SRSF11: variants seen among roughly 807,000 people sequenced by gnomAD.
The protein encoded by SRSF11 is serine and arginine rich splicing factor 11, also known as serine/arginine-rich splicing factor 11.
SRSF11 carries 9 observed loss-of-function variants against 56.0 expected under a neutral mutation model. The observed-to-expected ratio is 0.16, with a 90% CI of 0.10 to 0.28. The LOEUF (loss-of-function observed/expected upper bound fraction) is 0.28, where lower values mean the gene tolerates loss of function less well. Among genes scored for constraint, SRSF11 ranks in the 10% least tolerant of loss-of-function variants. SRSF11 has a pLI of 1.00. For missense variants in SRSF11, 421 were observed against 600.7 expected (o/e 0.70, Z 3.13); for synonymous variants, 222 against 215.3 (o/e 1.03, Z -0.27).
intron 1 of SRSF11, 136 bp from the exon 2 acceptor site, chr1:70,228,286 C>A: frequency 1.7e-6 from 1 of 602,170 alleles, no homozygotes; most frequent in Non-Finnish European, 2.9e-6. Flanking sequence ...AGAATGTTTT[C>A]TTTTGAATTT....
At chr1:70,239,835 G>C (rs1674930727) in intron 7 of SRSF11, among the ~76,000 whole-genome samples, 1 of 152,140 alleles carries the variant, frequency 6.6e-6, no homozygotes, top group Non-Finnish European at 1.5e-5. Context: ...GTTATCTAGT[G>C]TCAAAAAGTG....
chr1:70,239,600 C>G (rs1674870814), intron 7 of SRSF11, 80 bp downstream of exon 7: 1 of 1,042,758 alleles, frequency 9.6e-7, no homozygotes, highest in Admixed American at 2.5e-5. Context: ...TGCTGTTAAT[C>G]TGTTATCCTC....
chr1:70,227,065 T>G (rs1558168729), intron 1 of SRSF11, among the ~76,000 whole-genome samples: 1 of 152,170 alleles, frequency 6.6e-6, no homozygotes, highest in Non-Finnish European at 1.5e-5. Context: ...TAGGGAAGCT[T>G]GTATCAGAAG....
rs1230722014 is a variant in SRSF11 at position 70,251,550 on chromosome 1, T to G, written c.*745T>G. On this transcript the variant is annotated 3_prime_UTR_variant, in exon 12 of 12. Transcript: ENST00000370949. ...TTTGGGAATTTTTTTCCTGAAGTAA[T>G]AATTTATTCCACATCTACATCAGTG... 6.6e-6 allele frequency: 1 copy of G among 152,390 alleles called. No individual in the cohort carries two copies. The highest frequency in any genetic ancestry group is 6.5e-5 in the Admixed American group (1 of 15,282). The allele number at this position is 152,390 out of a possible 1,614,324, so 9.4% of individuals were successfully genotyped here. A position where few individuals can be genotyped will look rare whatever the true frequency, so the allele number is the denominator to read the frequency against.
rs1031848436 is a variant in SRSF11, at chr1:70,244,938, CTG to C, written c.932+125_932+126del. 1.9e-5 allele frequency: 17 copies of C among 893,650 alleles called. No individual in the cohort carries two copies. The East Asian group carries it at 3.3e-4, about 17-fold the overall frequency. 55.4% of individuals were successfully genotyped at this position (893,650 alleles called of 1,614,324 possible). A position where few individuals can be genotyped will look rare whatever the true frequency, so the allele number is the denominator to read the frequency against. On this transcript the variant is annotated intron_variant, in intron 8 of 11. Transcript: ENST00000370949. Reference sequence around the variant, plus strand: ...AAATAGGGCTAGACAGGGGAAGAAACTGTCAATATTTGAGTTTGAGGAGGCTG... The same window carrying C: ...AAATAGGGCTAGACAGGGGAAGAAACTCAATATTTGAGTTTGAGGAGGCTG...
At chr1:70,221,870 TA>T in intron 1 of SRSF11, 31 bp downstream of exon 1, 1 of 1,612,282 alleles carries the variant, frequency 6.2e-7, no homozygotes, top group Non-Finnish European at 8.5e-7. Context: ...CTGTTCCTGC[TA>T]ACGCCGCCTC....
chr1:70,210,637 C>T (rs1334074077), intron 1 of SRSF11, among the ~76,000 whole-genome samples: 4 of 152,086 alleles, frequency 2.6e-5, no homozygotes. Flanking sequence ...ATGGCTTGAC[C>T]CCGGAAGGCC....
chr1:70,237,367 T>C (rs1322347311), intron 5 of SRSF11, 58 bp from the exon 6 acceptor site: 1 of 1,593,410 alleles, frequency 6.3e-7, no homozygotes, highest in Non-Finnish European at 8.5e-7. Flanking sequence ...AGTATTTATT[T>C]GAAATGCTCG....
chr1:70,209,044 A>T (rs1669308823), intron 1 of SRSF11, among the ~76,000 whole-genome samples: 1 of 152,218 alleles, frequency 6.6e-6, no homozygotes, highest in Non-Finnish European at 1.5e-5. Flanking sequence ...TATTTAAGTG[A>T]TGAAAGGCTT....
At chr1:70,217,103 A>G (rs1393559869), upstream of SRSF11, among the ~76,000 whole-genome samples, 1 of 151,802 alleles carries the variant, frequency 6.6e-6, no homozygotes, top group Non-Finnish European at 1.5e-5. Context: ...TTTCATCACA[A>G]CACATTAGTC....
chr1:70,248,629 A>G (rs2101018208), intron 9 of SRSF11: 1 of 152,248 alleles, frequency 6.6e-6, no homozygotes, highest in South Asian at 2.1e-4. Flanking sequence ...GATGGAAGGT[A>G]CTACATATAT....
chr1:70,207,446 A>G (rs1042619212), intron 1 of SRSF11, among the ~76,000 whole-genome samples: 1 of 152,048 alleles, frequency 6.6e-6, no homozygotes, highest in African/African-American at 2.4e-5. Context: ...AGGAATTTGA[A>G]CCTAGATCTG....
At chr1:70,223,362 A>C (rs777672921) in intron 1 of SRSF11, among the ~76,000 whole-genome samples, 1 of 152,216 alleles carries the variant, frequency 6.6e-6, no homozygotes, top group Non-Finnish European at 1.5e-5. Context: ...GGTAAGAGAG[A>C]TGTAGGCATT....
At position 70,237,602 on chromosome 1, in the gene SRSF11, T is replaced by A. The variant is rs746621297; in HGVS notation, c.718+50T>A. ...TTGTGTGATTCTTAGCAAAAATGAT[T>A]TTGACATAAATGTGGAATTGTGTTG... On this transcript the variant is annotated intron_variant, in intron 6 of 11. Transcript: ENST00000370949. 1.9e-6 allele frequency: 3 copies of A among 1,598,678 alleles called. No individual in the cohort carries two copies. In the Admixed American group the frequency reaches 5.3e-5, roughly 28 times the overall value.
At chr1:70,231,522 G>T in intron 2 of SRSF11, 1 of 1,073,354 alleles carries the variant, frequency 9.3e-7, no homozygotes. Context: ...TTTTTGGTAT[G>T]GTTAGCATGG....
chr1:70,207,987 C>T (rs1436800760), intron 1 of SRSF11, among the ~76,000 whole-genome samples: 1 of 152,050 alleles, frequency 6.6e-6, no homozygotes, highest in Non-Finnish European at 1.5e-5. Context: ...ACTGGGATTA[C>T]AGGCATGAGC....
intron 1 of SRSF11, among the ~76,000 whole-genome samples, chr1:70,206,163 A>T (rs1162845295): frequency 1.3e-5 from 2 of 152,214 alleles, no homozygotes; most frequent in Non-Finnish European, 2.9e-5. Flanking sequence ...AAAAACAAAA[A>T]TCCTTAAAAT....
upstream of SRSF11, chr1:70,221,164 A>T (rs183035045): frequency 9.3e-3 from 1,412 of 151,454 alleles, 15 homozygotes; most frequent in Non-Finnish European, 0.014. Context: ...TGCTTTTTTT[A>T]AAAAAAAAGT....
In SRSF11 at chr1:70,221,519, G is replaced by T. The variant is rs1216095459; in HGVS notation, c.-118G>T. ...GGCGGCGGCATCGGCAGCAGTAGCA[G>T]AGGCTGTAGCATCGGACACCCTCCT... On this transcript the variant is annotated 5_prime_UTR_variant, in exon 1 of 12. Transcript: ENST00000370949. 7.4e-6 allele frequency: 10 copies of T among 1,354,656 alleles called. No homozygotes were observed. The Admixed American group carries it at 2.4e-4, about 33-fold the overall frequency. The allele number at this position is 1,354,656 out of a possible 1,614,324, so 83.9% of individuals were successfully genotyped here. A position where few individuals can be genotyped will look rare whatever the true frequency, so the allele number is the denominator to read the frequency against.
Sources: allele counts gnomAD v4.1 joint callset (sites outside exome capture counted in the v4.1 genomes callset), GRCh38; gene constraint gnomAD v4.1.1; transcripts MANE v1.5; gene names NCBI Gene and HGNC (gene_info 2026-07-23, HGNC 2026-07-21).